The following MAGI2 variants were observed in gnomAD, a reference collection of about 807,000 sequenced individuals.
MAGI2 encodes membrane associated guanylate kinase, WW and PDZ domain containing 2.
In MAGI2, 35 loss-of-function variants were observed where a neutral mutation model predicts 133.3. The ratio of observed to expected loss-of-function variants is 0.26; its 90% confidence interval spans 0.20 to 0.35. MAGI2 has a LOEUF of 0.35. MAGI2 is among the 10% of genes least tolerant of loss of function. MAGI2 has a pLI of 1.00. For synonymous variants in MAGI2, 729 were observed against 710.6 expected, an observed-to-expected ratio of 1.03 and a Z score of -0.41; for missense variants, 1,636 against 1,863.4, an observed-to-expected ratio of 0.88 and a Z score of 2.25.
chr7:79,085,301 A>G (rs1816390488), intron 1 of MAGI2, among the ~76,000 whole-genome samples: 1 of 151,580 alleles, frequency 6.6e-6, no homozygotes, highest in African/African-American at 2.4e-5. Context: ...TGTATTTTTG[A>G]TCTTGAGAAT....
chr7:79,422,448 A>C (rs1476020740), intron 1 of MAGI2, among the ~76,000 whole-genome samples: 5 of 152,036 alleles, frequency 3.3e-5, no homozygotes, highest in Non-Finnish European at 7.4e-5. Flanking sequence ...GTACTTTATG[A>C]AATTTAATTA....
chr7:79,363,561 A>C (rs1842498762), intron 1 of MAGI2, among the ~76,000 whole-genome samples: 2 of 151,444 alleles, frequency 1.3e-5, no homozygotes, highest in African/African-American at 4.8e-5. Flanking sequence ...TCAACTCAAA[A>C]TGCATTAAAG....
At chr7:79,328,858 T>C (rs1168065679) in intron 1 of MAGI2, among the ~76,000 whole-genome samples, 2 of 152,212 alleles carry the variant, frequency 1.3e-5, no homozygotes, top group African/African-American at 4.8e-5. Context: ...GTTATAATTA[T>C]CTCTTTCTCT....
At chr7:78,870,327 C>T (rs984454286) in intron 2 of MAGI2, among the ~76,000 whole-genome samples, 1 of 147,932 alleles carries the variant, frequency 6.8e-6, no homozygotes, top group Non-Finnish European at 1.5e-5. Flanking sequence ...AGACTCTTGC[C>T]TGGGTGACAA....
chr7:78,843,687 T>C (rs1020123068), intron 2 of MAGI2, among the ~76,000 whole-genome samples: 4 of 151,756 alleles, frequency 2.6e-5, no homozygotes, highest in African/African-American at 9.7e-5. Flanking sequence ...TTTGCCTGTG[T>C]CATTAAATAT....
At chr7:78,916,509 T>C (rs1798807717) in intron 2 of MAGI2, among the ~76,000 whole-genome samples, 1 of 152,128 alleles carries the variant, frequency 6.6e-6, no homozygotes, top group African/African-American at 2.4e-5. Flanking sequence ...ATGCAATAAT[T>C]GTCACAATAA....
intron 9 of MAGI2, among the ~76,000 whole-genome samples, chr7:78,269,917 T>G (rs577714886): frequency 1.3e-5 from 2 of 152,368 alleles, no homozygotes; most frequent in Admixed American, 1.3e-4. Context: ...TTTAAGTCTT[T>G]AATCCATCTT....
At chr7:79,147,803 G>T (rs1822794529) in intron 1 of MAGI2, among the ~76,000 whole-genome samples, 1 of 152,170 alleles carries the variant, frequency 6.6e-6, no homozygotes, top group Non-Finnish European at 1.5e-5. Context: ...CATGAGGGTG[G>T]CAGCAGCTCT....
chr7:78,477,531 C>T (rs1791900616), intron 6 of MAGI2, among the ~76,000 whole-genome samples: 1 of 151,874 alleles, frequency 6.6e-6, no homozygotes, highest in Non-Finnish European at 1.5e-5. Flanking sequence ...GCCTCACAAT[C>T]ATGGCAGAAG....
At chr7:78,643,556 G>A (rs1810523051) in intron 2 of MAGI2, among the ~76,000 whole-genome samples, 1 of 151,966 alleles carries the variant, frequency 6.6e-6, no homozygotes, top group Admixed American at 6.6e-5. Context: ...CATCATCCTG[G>A]AGGACTCAAG....
At position 79,311,704 on chromosome 7, in the gene MAGI2, C is replaced by A. The variant is rs557559689; in HGVS notation, c.301+141316G>T. Among the ~76,000 whole-genome samples the A allele has an allele frequency of 3.3e-5, 5 of 152,166 alleles. No homozygotes were observed. In the East Asian group the frequency reaches 9.7e-4, roughly 29 times the overall value. ...CTCATTAATGTCAGGTTCATATTCC[C>A]ACAGTTATTGAATGTTCAATAAACA... is the stretch of plus-strand genomic sequence containing the variant. On this transcript the variant is annotated intron_variant, in intron 1 of 21. Coordinates refer to ENST00000354212, the MANE Select transcript of MAGI2 (RefSeq NM_012301.4).
chr7:78,589,478 G>A (rs2150837696), intron 3 of MAGI2, among the ~76,000 whole-genome samples: 1 of 152,268 alleles, frequency 6.6e-6, no homozygotes, highest in South Asian at 2.1e-4. Context: ...TCAAACAACT[G>A]CTATCCTATA....
At chr7:78,939,486 T>C (rs1348002925) in intron 2 of MAGI2, among the ~76,000 whole-genome samples, 4 of 152,136 alleles carry the variant, frequency 2.6e-5, no homozygotes, top group Non-Finnish European at 4.4e-5. Flanking sequence ...AAAGGCTACA[T>C]AGAAGAAAGA....
chr7:79,363,426 A>G (rs986700364), intron 1 of MAGI2, among the ~76,000 whole-genome samples: 14 of 150,324 alleles, frequency 9.3e-5, no homozygotes, highest in Admixed American at 6.6e-4. Context: ...AATTACTATC[A>G]AAATTCCACC....
At chr7:79,434,674 A>G (rs149880941) in intron 1 of MAGI2, among the ~76,000 whole-genome samples, 8 of 152,322 alleles carry the variant, frequency 5.3e-5, no homozygotes, top group African/African-American at 1.9e-4. Context: ...ATGGAGCTGT[A>G]GGTAAAAATG....
At chr7:78,904,503 C>T (rs372072589) in intron 2 of MAGI2, among the ~76,000 whole-genome samples, 75 of 150,934 alleles carry the variant, frequency 5.0e-4, no homozygotes, top group African/African-American at 1.7e-3. Flanking sequence ...GCATGCATAG[C>T]ATACTAAATA....
At chr7:79,064,180 C>T (rs1814074319) in intron 1 of MAGI2, among the ~76,000 whole-genome samples, 1 of 151,974 alleles carries the variant, frequency 6.6e-6, no homozygotes, top group Non-Finnish European at 1.5e-5. Context: ...GCTATTCCAT[C>T]TCACTATAGA....
At chr7:78,519,138 A>AC (rs1796281154) in intron 4 of MAGI2, 1 of 151,986 alleles carries the variant, frequency 6.6e-6, no homozygotes, top group African/African-American at 2.4e-5. Context: ...TAAAAAAAAA[A>AC]AAAAAAAAAA....
At chr7:78,048,910 C>A (rs1360457269) in intron 21 of MAGI2, among the ~76,000 whole-genome samples, 2 of 151,416 alleles carry the variant, frequency 1.3e-5, no homozygotes, top group Non-Finnish European at 2.9e-5. Flanking sequence ...AGATCGAGAC[C>A]ATCCTGGCCA....
Sources: gnomAD v4.1 joint callset for allele counts (sites outside exome capture counted in the v4.1 genomes callset) on GRCh38, gnomAD v4.1.1 for gene constraint, MANE v1.5 for transcripts, NCBI Gene and HGNC (gene_info 2026-07-23, HGNC 2026-07-21) for gene names.